The following SLIT2 variants were observed in gnomAD, a reference collection of about 807,000 sequenced individuals.
The protein encoded by SLIT2 is slit guidance ligand 2, also known as slit homolog 2 protein.
A neutral mutation model predicts 185.7 loss-of-function variants in SLIT2; 41 were observed. The observed-to-expected ratio is 0.22, with a 90% CI of 0.17 to 0.29. The LOEUF (loss-of-function observed/expected upper bound fraction) is 0.29. Among genes scored for constraint, SLIT2 ranks in the 10% least tolerant of loss-of-function variants. The probability of loss-of-function intolerance (pLI) is 1.00; values close to 1 mark genes in which losing one functional copy is unlikely to be tolerated. For synonymous variants in SLIT2, 693 were observed against 680.2 expected (o/e 1.02, Z -0.29); for missense variants, 1,571 against 1,909.0 (o/e 0.82, Z 3.30).
chr4:20,540,017 C>T (rs1054846803), intron 19 of SLIT2, among the ~76,000 whole-genome samples: 1 of 151,320 alleles, frequency 6.6e-6, no homozygotes, highest in Non-Finnish European at 1.5e-5. Context: ...CAGTGGCTCA[C>T]GTCTGTAATT....
intron 4 of SLIT2, among the ~76,000 whole-genome samples, chr4:20,395,275 A>C (rs1225915148): frequency 6.6e-6 from 1 of 151,986 alleles, no homozygotes; most frequent in Non-Finnish European, 1.5e-5. Context: ...CTCCCAGCAT[A>C]AGGAGGAATA....
chr4:20,465,036 A>G (rs1714185794), intron 4 of SLIT2, among the ~76,000 whole-genome samples: 1 of 152,188 alleles, frequency 6.6e-6, no homozygotes, highest in Non-Finnish European at 1.5e-5. Context: ...GAAAATATAG[A>G]TCATTGTTCA....
chr4:20,609,360 G>C (rs1291750077), intron 33 of SLIT2, among the ~76,000 whole-genome samples: 2 of 152,144 alleles, frequency 1.3e-5, no homozygotes, highest in Non-Finnish European at 2.9e-5. Context: ...ATATCACTAT[G>C]TTAAGCATTT....
At chr4:20,343,810 A>G (rs1157460019) in intron 4 of SLIT2, among the ~76,000 whole-genome samples, 2 of 151,252 alleles carry the variant, frequency 1.3e-5, no homozygotes. Flanking sequence ...ACTAAAAAAA[A>G]AAAAAAAAAA....
intron 26 of SLIT2, among the ~76,000 whole-genome samples, chr4:20,566,425 G>A (rs890367992): frequency 6.6e-6 from 1 of 151,992 alleles, no homozygotes; most frequent in African/African-American, 2.4e-5. Flanking sequence ...CTTTTATTGA[G>A]GACAGTACAA....
rs1353821582 is a variant in SLIT2 at position 20,479,975 on chromosome 4, T to C, written c.468-741T>C. Among the ~76,000 whole-genome samples the C allele has an allele frequency of 1.3e-5, 2 of 152,206 alleles. 1 individual carries two copies. Among genetic ancestry groups the C allele is most frequent in the Non-Finnish European group, 2.9e-5 (2 of 68,018 alleles). On this transcript the variant is annotated intron_variant, in intron 5 of 36. Coordinates refer to ENST00000504154, the MANE Select transcript of SLIT2 (RefSeq NM_004787.4). The stretch of plus-strand genomic sequence containing the variant: ...ATTAGCATCTTTTTAAAAAGCAAAA[T>C]TGTTATTTAATACTTAAAAACCTAT...
chr4:20,336,672 A>C (rs1245508474), intron 4 of SLIT2, among the ~76,000 whole-genome samples: 1 of 152,132 alleles, frequency 6.6e-6, no homozygotes, highest in Non-Finnish European at 1.5e-5. Context: ...CTAGAACTTA[A>C]AGTATAATAA....
chr4:20,320,797 C>T (rs528328613), intron 4 of SLIT2, among the ~76,000 whole-genome samples: 7 of 152,258 alleles, frequency 4.6e-5, no homozygotes, highest in South Asian at 4.1e-4. Context: ...TCAAGCTTTA[C>T]GCCTTTCATC....
intron 25 of SLIT2, chr4:20,552,838 A>G (rs562190123): frequency 5.3e-5 from 8 of 152,332 alleles, no homozygotes; most frequent in Admixed American, 3.3e-4. Context: ...GTATGCATCT[A>G]CGGCTTCAAT....
chr4:20,512,031 A>C (rs1719802933), intron 11 of SLIT2, among the ~76,000 whole-genome samples: 1 of 152,244 alleles, frequency 6.6e-6, no homozygotes, highest in African/African-American at 2.4e-5. Context: ...AGCAGCTGTT[A>C]TTAATATTAC....
chr4:20,449,621 C>G (rs1205949599), intron 4 of SLIT2, among the ~76,000 whole-genome samples: 2 of 152,028 alleles, frequency 1.3e-5, no homozygotes, highest in African/African-American at 4.8e-5. Flanking sequence ...GTTGGTCAGG[C>G]TGGTCTCAAA....
Position 20,518,587 on chromosome 4 carries a change from ATTTTTTTTTTTTTTTTTTT to A in SLIT2, c.1059-778_1059-760del, listed in dbSNP as rs71181568. 7.8e-4 allele frequency among the ~76,000 whole-genome samples: 14 copies of A among 17,856 alleles called. 1 individual carries two copies. The highest frequency in any genetic ancestry group is 2.9e-3 in the African/African-American group (12 of 4,136). The allele number at this position is 17,856 out of a possible 152,430, so 11.7% of individuals were successfully genotyped here. A position where few individuals can be genotyped will look rare whatever the true frequency, so the allele number is the denominator to read the frequency against. ...TATATATATATATATATATATATAT[ATTTTTTTTTTTTTTTTTTT>A]TTTTTTTTTTTTTTTTGAGACGGAG... On this transcript the variant is annotated intron_variant, in intron 11 of 36. Transcript: ENST00000504154.
chr4:20,252,131 GC>G lies in SLIT2; in HGVS notation c.-1682del, dbSNP rs556942472. Among the ~76,000 whole-genome samples, 1,491 of 152,182 alleles carry G rather than the reference GC, an allele frequency of 9.8e-3. 19 individuals carry two copies. Among genetic ancestry groups the G allele is most frequent in the African/African-American group, 0.033 (1,387 of 41,550 alleles). ...CTGAGCAGAAAGGGGAGCGCCGGGG[GC>G]CCGCAGCCGGCTCCGGAGGCGCGGG... On this transcript the variant is annotated 5_prime_UTR_variant, in exon 1 of 37. Transcript: ENST00000504154.
At chr4:20,263,791 G>A (rs376601149) in intron 3 of SLIT2, among the ~76,000 whole-genome samples, 1 of 151,874 alleles carries the variant, frequency 6.6e-6, no homozygotes, top group East Asian at 1.9e-4. Context: ...ACAAAATGCT[G>A]GGCACACAGC....
intron 4 of SLIT2, among the ~76,000 whole-genome samples, chr4:20,275,740 TG>T (rs1331521311): frequency 6.6e-6 from 1 of 152,180 alleles, no homozygotes; most frequent in Non-Finnish European, 1.5e-5. Flanking sequence ...CTCTCCCAGT[TG>T]ATGATTCATA....
At chr4:20,599,091 C>A (rs1003033133) in intron 33 of SLIT2, among the ~76,000 whole-genome samples, 3 of 152,268 alleles carry the variant, frequency 2.0e-5, no homozygotes, top group African/African-American at 7.2e-5. Flanking sequence ...CTTTAAGGAA[C>A]AAAGCCCCTG....
intron 26 of SLIT2, among the ~76,000 whole-genome samples, chr4:20,559,871 T>C (rs1026985213): frequency 6.6e-6 from 1 of 151,922 alleles, no homozygotes; most frequent in African/African-American, 2.4e-5. Flanking sequence ...ATTGCCACCC[T>C]ATTATTGAAA....
At chr4:20,558,185 T>C (rs1724416388) in intron 26 of SLIT2, among the ~76,000 whole-genome samples, 1 of 152,024 alleles carries the variant, frequency 6.6e-6, no homozygotes, top group South Asian at 2.1e-4. Flanking sequence ...GACTCCAATT[T>C]TGAAAAAATG....
rs909210366 is a variant in SLIT2, at chr4:20,399,591, G to A, written c.396-68161G>A. 2.0e-5 allele frequency among the ~76,000 whole-genome samples: 3 copies of A among 151,776 alleles called. No individual in the cohort carries two copies. The Admixed American group carries it at 2.0e-4, about 10-fold the overall frequency. ...TTGTTTATTGACTCAGTCTACAAGT[G>A]TTCCTTGAGTACCTAATGCATATCA... On this transcript the variant is annotated intron_variant, in intron 4 of 36. Transcript: ENST00000504154.
Sources: gnomAD v4.1 joint callset for allele counts (sites outside exome capture counted in the v4.1 genomes callset) on GRCh38, gnomAD v4.1.1 for gene constraint, MANE v1.5 for transcripts, NCBI Gene and HGNC (gene_info 2026-07-23, HGNC 2026-07-21) for gene names.